C1orf94: variants seen among roughly 807,000 people sequenced by gnomAD.
The protein encoded by C1orf94 is chromosome 1 open reading frame 94, also known as uncharacterized protein C1orf94.
A neutral mutation model predicts 53.6 loss-of-function variants in C1orf94; 45 were observed. The ratio of observed to expected loss-of-function variants is 0.84; its 90% CI spans 0.66 to 1.08. C1orf94 has a LOEUF of 1.08. Among genes scored for constraint, C1orf94 ranks in the 50% least tolerant of loss-of-function variants. The probability of loss-of-function intolerance (pLI) is 0.00; values close to 1 mark genes in which losing one functional copy is unlikely to be tolerated. For synonymous variants in C1orf94, 304 were observed against 296.1 expected, an observed-to-expected ratio of 1.03 and a Z score of -0.27; for missense variants, 762 against 738.9, an observed-to-expected ratio of 1.03 and a Z score of -0.36.
In C1orf94 at chr1:34,197,123, T is replaced by C; in HGVS notation, c.321-102T>C. ...CTTGCCTGGAAGTGTGTTTTTGTCA[T>C]GTTATGCATCCATCTCCCTTTTCTG... On this transcript the variant is annotated intron_variant, in intron 1 of 6. Transcript: ENST00000488417. This position sits in a 1 kb window ranked among gnomAD's most constrained non-coding sequence, Gnocchi z 4.1. 1.9e-6 allele frequency: 2 copies of C among 1,069,410 alleles called. No homozygotes were observed. Among genetic ancestry groups the C allele is most frequent in the Non-Finnish European group, 2.7e-6 (2 of 751,708 alleles). 66.2% of individuals were successfully genotyped at this position (1,069,410 alleles called of 1,614,324 possible). A position where few individuals can be genotyped will look rare whatever the true frequency, so the allele number is the denominator to read the frequency against.
At chr1:34,168,414 G>A (rs1158438629) in intron 1 of C1orf94, among the ~76,000 whole-genome samples, 1 of 152,026 alleles carries the variant, frequency 6.6e-6, no homozygotes, top group East Asian at 1.9e-4. Context: ...GGAGGAGGAT[G>A]GGGCTGGATC....
At chr1:34,182,651 A>G (rs1382233073) in intron 1 of C1orf94, among the ~76,000 whole-genome samples, 5 of 152,190 alleles carry the variant, frequency 3.3e-5, no homozygotes, top group Non-Finnish European at 7.3e-5. Context: ...TGATTTGGGT[A>G]CACAAACAGA....
At chr1:34,174,424 C>A (rs914523819), upstream of C1orf94, among the ~76,000 whole-genome samples, 11 of 152,150 alleles carry the variant, frequency 7.2e-5, no homozygotes, top group Non-Finnish European at 1.6e-4. Context: ...ACTAAGAAAT[C>A]AAATGTTGTG....
At position 34,202,102 on chromosome 1, in the gene C1orf94, T is replaced by A; in HGVS notation, c.1289T>A (p.Val430Asp). 1 of 1,613,984 alleles carries A rather than the reference T, an allele frequency of 6.2e-7. No individual in the cohort carries two copies. Among genetic ancestry groups the A allele is most frequent in the East Asian group, 2.2e-5 (1 of 44,876 alleles). Reference sequence around the variant, plus strand: ...CTTGCAGTTAACGCACCTGTGACGGTTGCTGACAAGAACAACCCGAAGTAC... The same window carrying A: ...CTTGCAGTTAACGCACCTGTGACGGATGCTGACAAGAACAACCCGAAGTAC... ...PELKFNAPVT[V>D]ADKNNPKYTG... The change falls in exon 4 of 7, where the codon GTT (valine) becomes GAT (aspartate). Residue 430 changes from valine (V) to aspartate (D), a missense_variant. Physicochemically the swap from Val to Asp is radical, Grantham distance 152. Coordinates refer to ENST00000488417, the MANE Select transcript of C1orf94 (RefSeq NM_001134734.2).
At chr1:34,182,915 A>G (rs1642332004) in intron 1 of C1orf94, among the ~76,000 whole-genome samples, 1 of 152,214 alleles carries the variant, frequency 6.6e-6, no homozygotes, top group Non-Finnish European at 1.5e-5. Flanking sequence ...AGATTTTCAA[A>G]GAGGTGTTGA....
At chr1:34,204,359 G>T (rs1347534263) in intron 4 of C1orf94, among the ~76,000 whole-genome samples, 4 of 152,162 alleles carry the variant, frequency 2.6e-5, no homozygotes, top group Non-Finnish European at 5.9e-5. Context: ...AAGAGAACAA[G>T]TACCCGTCCC....
rs112174824 is a variant in C1orf94 at position 34,180,498 on chromosome 1, G to A, written c.320+2389G>A. On this transcript the variant is annotated intron_variant, in intron 1 of 6. Coordinates refer to ENST00000488417, the MANE Select transcript of C1orf94 (RefSeq NM_001134734.2). Reference sequence around the variant, plus strand: ...AATTACTTTTACAGATAACGTGGCTGAGGTTTGGAGGGGTTAATTTCTTTG... The same window carrying A: ...AATTACTTTTACAGATAACGTGGCTAAGGTTTGGAGGGGTTAATTTCTTTG... Among the ~76,000 whole-genome samples, 1,250 of 152,346 alleles carry A rather than the reference G, an allele frequency of 8.2e-3. 15 individuals are homozygous for A. Among genetic ancestry groups the A allele is most frequent in the Non-Finnish European group, 0.01 (696 of 68,030 alleles).
In C1orf94 at chr1:34,200,808, A is replaced by G. The variant is rs1214295326; in HGVS notation, c.1046A>G (p.Gln349Arg). 2 of 1,614,206 alleles carry G rather than the reference A, an allele frequency of 1.2e-6. No homozygotes were observed. The highest frequency in any genetic ancestry group is 4.5e-5 in the East Asian group (2 of 44,890). The part of the protein sequence containing the change: ...SPGTKEPKKG[Q>R]GSLFLSQWPQ... ...GGCACCAAGGAGCCAAAAAAGGGTCAAGGGAGCCTCTTTCTCAGCCAGTGG... is the reference window on the plus strand; with the variant it reads ...GGCACCAAGGAGCCAAAAAAGGGTCGAGGGAGCCTCTTTCTCAGCCAGTGG... The change falls in exon 3 of 7, where the codon CAA becomes CGA. Residue 349 changes from glutamine (Q) to arginine (R), a missense_variant. Transcript: ENST00000488417.
At chr1:34,208,129 G>C (rs748206649) in intron 4 of C1orf94, 28 bp from the exon 5 acceptor site, 33 of 1,611,576 alleles carry the variant, frequency 2.0e-5, no homozygotes, top group Non-Finnish European at 2.8e-5. Context: ...CCCTTGCCTG[G>C]CCATACTGAG....
chr1:34,188,266 A>G (rs1642418649), intron 1 of C1orf94, among the ~76,000 whole-genome samples: 1 of 152,238 alleles, frequency 6.6e-6, no homozygotes, highest in South Asian at 2.1e-4. Flanking sequence ...TGTCTGGTAC[A>G]TCTTTGAGAA....
At chr1:34,180,748 C>T (rs906646157) in intron 1 of C1orf94, among the ~76,000 whole-genome samples, 2 of 152,244 alleles carry the variant, frequency 1.3e-5, no homozygotes, top group East Asian at 3.8e-4. Context: ...AGATATCTCT[C>T]AGCTGGTCTT....
At chr1:34,175,884 G>C (rs1169264416), upstream of C1orf94, among the ~76,000 whole-genome samples, 1 of 151,830 alleles carries the variant, frequency 6.6e-6, no homozygotes, top group African/African-American at 2.4e-5. Context: ...TGGTACAAAA[G>C]TAATTGTGGT....
chr1:34,178,394 A>G (rs1642262113), intron 1 of C1orf94, among the ~76,000 whole-genome samples: 1 of 151,984 alleles, frequency 6.6e-6, no homozygotes. Flanking sequence ...TCCTTGAAAA[A>G]CCACCCTAGC....
intron 6 of C1orf94, among the ~76,000 whole-genome samples, chr1:34,212,636 G>A (rs1314934938): frequency 6.6e-6 from 1 of 152,158 alleles, no homozygotes; most frequent in Non-Finnish European, 1.5e-5. Flanking sequence ...TTCAGGTCTG[G>A]TTGCAGAAAT....
chr1:34,177,758 C>T lies in C1orf94; in HGVS notation c.-32C>T, dbSNP rs1448818179. The T allele has an allele frequency of 6.7e-7, 1 of 1,498,024 alleles. No individual in the cohort carries two copies. Among genetic ancestry groups the T allele is most frequent in the South Asian group, 1.3e-5 (1 of 76,778 alleles). The allele number at this position is 1,498,024 out of a possible 1,614,324, so 92.8% of individuals were successfully genotyped here. A position where few individuals can be genotyped will look rare whatever the true frequency, so the allele number is the denominator to read the frequency against. On this transcript the variant is annotated 5_prime_UTR_variant, in exon 1 of 7. Transcript: ENST00000488417. ...GCCAGACAGAACTGACCCACTTCTGCCAAGCCCCATCCTCATCTCCCTTTC... is the reference window on the plus strand; with the variant it reads ...GCCAGACAGAACTGACCCACTTCTGTCAAGCCCCATCCTCATCTCCCTTTC...
intron 2 of C1orf94, among the ~76,000 whole-genome samples, chr1:34,199,823 C>A (rs2148618591): frequency 6.6e-6 from 1 of 152,332 alleles, no homozygotes; most frequent in South Asian, 2.1e-4. Flanking sequence ...CACAATGTCT[C>A]CTTGATGCTT....
At chr1:34,178,400 C>T (rs1402059052) in intron 1 of C1orf94, among the ~76,000 whole-genome samples, 2 of 152,216 alleles carry the variant, frequency 1.3e-5, no homozygotes, top group East Asian at 1.9e-4. Flanking sequence ...AAAAACCACC[C>T]TAGCTAAGGC....
intron 4 of C1orf94, among the ~76,000 whole-genome samples, chr1:34,207,262 G>GGTGTGTGTGTGT (rs58794132): frequency 8.5e-4 from 125 of 147,450 alleles, no homozygotes; most frequent in African/African-American, 3.1e-3. Context: ...AGTTCTGCGG[G>GGTGTGTGTGTGT]GTGTGTGTGT....
rs140823731 is a variant in C1orf94 at position 34,202,171 on chromosome 1, C to T, written c.1358C>T (p.Ser453Leu). The T allele has an allele frequency of 9.1e-5, 147 of 1,614,238 alleles. No homozygotes were observed. Among genetic ancestry groups the T allele is most frequent in the Non-Finnish European group, 1.2e-4 (141 of 1,180,034 alleles). Residue 453 changes from serine (S) to leucine (L), a missense_variant, in exon 4 of 7, where the codon TCA (serine) becomes TTA (leucine). By Grantham distance (145) the Ser-to-Leu change is moderately radical. Transcript: ENST00000488417. ...CCACACTTTCCTACAGCCATGACCT[C>T]AGCAACCCTGAACCAGCCACTCTGG... Reference protein sequence around the residue: ...FTPHFPTAMTSATLNQPLWLN... With the variant: ...FTPHFPTAMTLATLNQPLWLN...
Sources: allele counts gnomAD v4.1 joint callset (sites outside exome capture counted in the v4.1 genomes callset), GRCh38; gene constraint gnomAD v4.1.1; non-coding constraint Gnocchi (gnomAD v3.1); transcripts MANE v1.5; gene names NCBI Gene and HGNC (gene_info 2026-07-23, HGNC 2026-07-21).